Variants in SNAP23 observed in about 807,000 individuals in gnomAD.
The protein encoded by SNAP23 is synaptosomal-associated protein 23.
In SNAP23, 11 loss-of-function variants were observed where a neutral mutation model predicts 29.0. That is an observed-to-expected ratio of 0.38 (90% CI 0.24 to 0.63). SNAP23 has a LOEUF of 0.63. Among genes scored for constraint, SNAP23 ranks in the 20% least tolerant of loss-of-function variants. The pLI, the probability that SNAP23 is intolerant of heterozygous loss-of-function variation, is 0.58. For synonymous variants in SNAP23, 60 were observed against 82.9 expected, an observed-to-expected ratio of 0.72 and a Z score of 1.50; for missense variants, 220 against 253.9, an observed-to-expected ratio of 0.87 and a Z score of 0.91.
chr15:42,527,635 C>T (rs2057516337), intron 5 of SNAP23, among the ~76,000 whole-genome samples: 1 of 151,284 alleles, frequency 6.6e-6, no homozygotes, highest in Non-Finnish European at 1.5e-5. Flanking sequence ...TTTGGGAGGC[C>T]GAGGTGGATG....
At chr15:42,521,476 A>G in intron 5 of SNAP23, 1 of 1,344,694 alleles carries the variant, frequency 7.4e-7, no homozygotes, top group East Asian at 2.8e-5. Flanking sequence ...TTTCTATGAA[A>G]CCAGGCAGGA....
chr15:42,529,801 A>G lies in SNAP23; in HGVS notation c.552A>G (p.Ile184Met), dbSNP rs2057544631. 2 of 1,612,044 alleles carry G rather than the reference A, an allele frequency of 1.2e-6. No individual in the cohort carries two copies. Among genetic ancestry groups the G allele is most frequent in the Non-Finnish European group, 1.7e-6 (2 of 1,179,586 alleles). The change falls in exon 7 of 8, where the codon ATA (isoleucine) becomes ATG (methionine). Residue 184 changes from isoleucine to methionine, a missense_variant. Ile to Met is a conservative substitution (Grantham distance 10). Coordinates refer to ENST00000249647, the MANE Select transcript of SNAP23 (RefSeq NM_003825.4). ...GNEIDAQNPQ[I>M]KRITDKADTN... The stretch of plus-strand genomic sequence containing the variant: ...AGATTGATGCTCAAAATCCACAAAT[A>G]AAACGAATCACAGACAAGGTAAAAG...
chr15:42,529,966 C>A, intron 7 of SNAP23, 147 bp downstream of exon 7: 1 of 836,172 alleles, frequency 1.2e-6, no homozygotes. Context: ...GGTTCTAACA[C>A]ATAAAACAAG....
At chr15:42,493,825 A>G (rs948904066), upstream of SNAP23, among the ~76,000 whole-genome samples, 1 of 152,162 alleles carries the variant, frequency 6.6e-6, no homozygotes, top group African/African-American at 2.4e-5. Context: ...TCAACTTCAC[A>G]GAGAAAACAA....
Position 42,531,602 on chromosome 15 carries a change from G to A in SNAP23, c.*124G>A, listed in dbSNP as rs527265901. On this transcript the variant is annotated 3_prime_UTR_variant, in exon 8 of 8. Transcript: ENST00000249647. Reference sequence around the variant, plus strand: ...TAATTGGGAGATAATATGGAAGAAGGGCCAGAGCAGTTACAGCCCTCCTTC... The same window carrying A: ...TAATTGGGAGATAATATGGAAGAAGAGCCAGAGCAGTTACAGCCCTCCTTC... 28 of 655,718 alleles carry A rather than the reference G, an allele frequency of 4.3e-5. No individual in the cohort carries two copies. Among genetic ancestry groups the A allele is most frequent in the Middle Eastern group, 4.2e-4 (1 of 2,362 alleles). The allele number at this position is 655,718 out of a possible 1,614,324, so 40.6% of individuals were successfully genotyped here. A position where few individuals can be genotyped will look rare whatever the true frequency, so the allele number is the denominator to read the frequency against.
chr15:42,497,191 C>T (rs962474039), intron 1 of SNAP23, among the ~76,000 whole-genome samples: 12 of 150,882 alleles, frequency 8.0e-5, no homozygotes, highest in African/African-American at 2.9e-4. Context: ...ATGTGTGCCA[C>T]CAAACCTGGC....
intron 1 of SNAP23, among the ~76,000 whole-genome samples, chr15:42,503,129 G>C (rs1218396718): frequency 6.6e-6 from 1 of 152,078 alleles, no homozygotes; most frequent in Non-Finnish European, 1.5e-5. Context: ...TTTCCCATTT[G>C]TTAATATGAT....
At chr15:42,511,233 C>T in intron 1 of SNAP23, among the ~76,000 whole-genome samples, 1 of 151,994 alleles carries the variant, frequency 6.6e-6, no homozygotes, top group Middle Eastern at 3.2e-3. Flanking sequence ...AACAACAAAA[C>T]AATATAAGCC....
chr15:42,502,308 G>A (rs2141505428), intron 1 of SNAP23, among the ~76,000 whole-genome samples: 1 of 152,292 alleles, frequency 6.6e-6, no homozygotes, highest in Admixed American at 6.5e-5. Flanking sequence ...ACAGGCATGA[G>A]CCACTGCGCC....
At chr15:42,499,363 C>T (rs375060008) in intron 1 of SNAP23, among the ~76,000 whole-genome samples, 6 of 152,206 alleles carry the variant, frequency 3.9e-5, no homozygotes, top group Admixed American at 1.3e-4. Context: ...TGAGCCACCG[C>T]GCCCGGTCTA....
At chr15:42,527,007 T>C (rs918171546) in intron 5 of SNAP23, among the ~76,000 whole-genome samples, 10 of 152,062 alleles carry the variant, frequency 6.6e-5, no homozygotes, top group African/African-American at 2.4e-4. Context: ...CCAGCTAATT[T>C]TTGTATTTTT....
intron 1 of SNAP23, among the ~76,000 whole-genome samples, chr15:42,502,120 C>G (rs1219365430): frequency 6.6e-6 from 1 of 151,416 alleles, no homozygotes; most frequent in Non-Finnish European, 1.5e-5. Flanking sequence ...CTCTGCCTCC[C>G]AGGTTCACGC....
intron 1 of SNAP23, among the ~76,000 whole-genome samples, chr15:42,506,278 C>G (rs2057316613): frequency 6.6e-6 from 1 of 152,124 alleles, no homozygotes; most frequent in Non-Finnish European, 1.5e-5. Context: ...CTTGCTCTGT[C>G]AGGCAGGCTG....
intron 5 of SNAP23, 119 bp from the exon 6 acceptor site, chr15:42,528,143 C>G: frequency 1.6e-6 from 1 of 624,798 alleles, no homozygotes; most frequent in South Asian, 2.8e-5. Context: ...CTAGACTTAG[C>G]TGTATGCAGC....
intron 5 of SNAP23, chr15:42,521,887 C>T: frequency 2.5e-6 from 1 of 393,268 alleles, no homozygotes; most frequent in Non-Finnish European, 4.5e-6. Flanking sequence ...TGACAAATGT[C>T]TCTGATAACT....
intron 5 of SNAP23, among the ~76,000 whole-genome samples, chr15:42,517,862 C>A (rs1295865177): frequency 6.6e-6 from 1 of 152,118 alleles, no homozygotes. Flanking sequence ...AGGTGTGTGC[C>A]ACCATGCCCA....
rs1447197541 is a variant in SNAP23, at chr15:42,501,208, A to G, written c.-15+5495A>G. ...TATAGTATACAAAGCTCTTCACAAT[A>G]TGTGTTCTGTCTTGAAAGCCATCCC... On this transcript the variant is annotated intron_variant, in intron 1 of 7. Transcript: ENST00000249647. 3.9e-5 allele frequency among the ~76,000 whole-genome samples: 6 copies of G among 152,112 alleles called. No homozygotes were observed. In the East Asian group the frequency reaches 1.2e-3, roughly 29 times the overall value.
rs146119478 is a variant in SNAP23 at position 42,529,661 on chromosome 15, T to C, written c.426-14T>C. ...TCAACAAAACCTATGGAATTAACTG[T>C]CTTCTTGTGATAGCATAACTAATGA... On this transcript the variant is annotated splice_polypyrimidine_tract_variant and intron_variant, in intron 6 of 7. Coordinates refer to ENST00000249647, the MANE Select transcript of SNAP23 (RefSeq NM_003825.4). The C allele has an allele frequency of 8.1e-6, 13 of 1,610,856 alleles. No individual in the cohort carries two copies. The African/African-American group carries it at 1.6e-4, about 20-fold the overall frequency.
intron 1 of SNAP23, among the ~76,000 whole-genome samples, chr15:42,499,558 CAT>C (rs2057251437): frequency 1.3e-5 from 2 of 152,186 alleles, no homozygotes; most frequent in South Asian, 4.2e-4. Context: ...TTTAAAAAAA[CAT>C]TGCCCACTTC....
Sources: gnomAD v4.1 joint callset for allele counts (sites outside exome capture counted in the v4.1 genomes callset) on GRCh38, gnomAD v4.1.1 for gene constraint, MANE v1.5 for transcripts, NCBI Gene and HGNC (gene_info 2026-07-23, HGNC 2026-07-21) for gene names.